Variants in BMPR2 observed in about 807,000 individuals in gnomAD.
BMPR2 encodes the protein bone morphogenetic protein receptor type-2.
BMPR2 carries 29 observed loss-of-function variants against 100.8 expected under a neutral mutation model. That is an observed-to-expected ratio of 0.29 (90% CI 0.21 to 0.39). BMPR2 has a LOEUF of 0.39. Ranked by LOEUF, BMPR2 falls within the 10% of genes least tolerant of loss-of-function variation. The probability of loss-of-function intolerance (pLI) is 1.00; values close to 1 mark genes in which losing one functional copy is unlikely to be tolerated. For synonymous variants in BMPR2, 382 were observed against 442.3 expected (o/e 0.86, Z 1.71); for missense variants, 1,011 against 1,274.5 (o/e 0.79, Z 3.15).
At chr2:202,410,680 C>A (rs1690994906) in intron 1 of BMPR2, among the ~76,000 whole-genome samples, 1 of 152,078 alleles carries the variant, frequency 6.6e-6, no homozygotes, top group Non-Finnish European at 1.5e-5. Flanking sequence ...CCCGGGTTCA[C>A]AACATTCTCC....
At chr2:202,435,020 G>T (rs1313873990) in intron 1 of BMPR2, among the ~76,000 whole-genome samples, 2 of 141,780 alleles carry the variant, frequency 1.4e-5, no homozygotes, top group Non-Finnish European at 3.0e-5. Context: ...TTGCAGACCC[G>T]CCTGGGCAAC....
intron 3 of BMPR2, among the ~76,000 whole-genome samples, chr2:202,513,148 G>C (rs1190378440): frequency 6.6e-6 from 1 of 150,962 alleles, no homozygotes; most frequent in African/African-American, 2.4e-5. Flanking sequence ...TTTTTAATTT[G>C]TTTTAATGTC....
At chr2:202,514,577 T>C (rs1389689519) in intron 4 of BMPR2, among the ~76,000 whole-genome samples, 1 of 152,240 alleles carries the variant, frequency 6.6e-6, no homozygotes, top group African/African-American at 2.4e-5. Context: ...TCAGCGTTCA[T>C]TGATTCATTT....
intron 9 of BMPR2, among the ~76,000 whole-genome samples, chr2:202,538,810 A>G (rs1423588886): frequency 6.6e-6 from 1 of 151,900 alleles, no homozygotes; most frequent in African/African-American, 2.4e-5. Context: ...AAAAAAAAAA[A>G]AAAAAGTGAG....
chr2:202,426,619 T>C (rs1020764585), intron 1 of BMPR2, among the ~76,000 whole-genome samples: 5 of 147,040 alleles, frequency 3.4e-5, no homozygotes, highest in African/African-American at 1.3e-4. Flanking sequence ...TGGTGGCTCA[T>C]GTCTGTAACT....
At chr2:202,507,095 A>T (rs930124627) in intron 3 of BMPR2, among the ~76,000 whole-genome samples, 1 of 149,898 alleles carries the variant, frequency 6.7e-6, no homozygotes, top group African/African-American at 2.5e-5. Flanking sequence ...AAAAAAAAGG[A>T]ATTCATTAAA....
intron 1 of BMPR2, among the ~76,000 whole-genome samples, chr2:202,439,745 CTT>C (rs201206348): frequency 1.5e-5 from 2 of 134,578 alleles, no homozygotes; most frequent in Non-Finnish European, 3.2e-5. Context: ...TTTCTTTTTT[CTT>C]TTTTCTTTTT....
intron 9 of BMPR2, among the ~76,000 whole-genome samples, chr2:202,537,304 T>C (rs1295710433): frequency 3.9e-5 from 6 of 152,226 alleles, no homozygotes; most frequent in Non-Finnish European, 7.3e-5. Context: ...AATGATTTTT[T>C]CATCAGATTA....
At chr2:202,377,698 T>G (rs1690181603) in intron 1 of BMPR2, 148 bp downstream of exon 1, 2 of 871,484 alleles carry the variant, frequency 2.3e-6, no homozygotes, top group Non-Finnish European at 3.6e-6. Context: ...CCTGCGCGCC[T>G]GCCCCATGCC....
intron 1 of BMPR2, among the ~76,000 whole-genome samples, chr2:202,407,480 A>G (rs963820054): frequency 1.3e-5 from 2 of 151,082 alleles, no homozygotes; most frequent in Non-Finnish European, 2.9e-5. Flanking sequence ...CTCCTTAATA[A>G]TACTGTATTT....
rs1296270641 is a variant in BMPR2, at chr2:202,503,344, G to A, written c.419-10375G>A. 6.6e-6 allele frequency among the ~76,000 whole-genome samples: 1 copy of A among 152,234 alleles called. No individual in the cohort carries two copies. The highest frequency in any genetic ancestry group is 1.5e-5 in the Non-Finnish European group (1 of 68,042). On this transcript the variant is annotated intron_variant, in intron 3 of 12. Coordinates refer to ENST00000374580, the MANE Select transcript of BMPR2 (RefSeq NM_001204.7). This position sits in a 1 kb window ranked among gnomAD's most constrained non-coding sequence, Gnocchi z 4.0. ...GGAGCCCCTTTCTGGGCTGGCCAAG[G>A]CCGGAGCCCACTCCCTCAGCTTGCA...
At chr2:202,536,483 C>T (rs1397493626) in intron 9 of BMPR2, among the ~76,000 whole-genome samples, 2 of 152,040 alleles carry the variant, frequency 1.3e-5, no homozygotes, top group African/African-American at 4.8e-5. Flanking sequence ...ACAGGTTAAT[C>T]AGTTATCTAG....
intron 1 of BMPR2, among the ~76,000 whole-genome samples, chr2:202,414,566 G>A (rs758584838): frequency 6.6e-6 from 1 of 152,196 alleles, no homozygotes; most frequent in Non-Finnish European, 1.5e-5. Context: ...GAATGCAAAG[G>A]AAAAGTTCTT....
chr2:202,519,596 T>G (rs546399250), intron 6 of BMPR2, among the ~76,000 whole-genome samples: 1 of 152,334 alleles, frequency 6.6e-6, no homozygotes, highest in Admixed American at 6.5e-5. Context: ...AACAAGTTTT[T>G]TGATGAAAGA....
At chr2:202,480,543 T>C (rs1692637909) in intron 3 of BMPR2, among the ~76,000 whole-genome samples, 1 of 152,214 alleles carries the variant, frequency 6.6e-6, no homozygotes, top group Admixed American at 6.5e-5. Context: ...TTAATTTTTG[T>C]ATATGGCATG....
chr2:202,482,455 C>T (rs1036895684), intron 3 of BMPR2, among the ~76,000 whole-genome samples: 3 of 152,092 alleles, frequency 2.0e-5, no homozygotes, highest in South Asian at 2.1e-4. Context: ...CTCACTGTAA[C>T]CTTGAACTCC....
chr2:202,463,672 T>C (rs1020875379), intron 1 of BMPR2, among the ~76,000 whole-genome samples: 1 of 152,216 alleles, frequency 6.6e-6, no homozygotes, highest in Non-Finnish European at 1.5e-5. Flanking sequence ...CCTTTTACTT[T>C]AGTATTCTCA....
At chr2:202,458,323 A>G (rs1345382789) in intron 1 of BMPR2, among the ~76,000 whole-genome samples, 1 of 146,792 alleles carries the variant, frequency 6.8e-6, no homozygotes, top group East Asian at 2.0e-4. Context: ...CACAAAAATT[A>G]GCCGGGCTTG....
rs1688678320 is a variant in BMPR2, at chr2:202,561,476, C to T, written c.*1530C>T. 6.6e-6 allele frequency: 1 copy of T among 151,952 alleles called. No individual in the cohort carries two copies. Among genetic ancestry groups the T allele is most frequent in the Admixed American group, 6.6e-5 (1 of 15,260 alleles). 9.4% of individuals were successfully genotyped at this position (151,952 alleles called of 1,614,324 possible). On this transcript the variant is annotated 3_prime_UTR_variant, in exon 13 of 13. Coordinates refer to ENST00000374580, the MANE Select transcript of BMPR2 (RefSeq NM_001204.7). ...ATGTTTTTTTTAAATAAAGCACTTT[C>T]TGTCAAATAATGGACTTTTTTCTAA...
Sources: allele counts gnomAD v4.1 joint callset (sites outside exome capture counted in the v4.1 genomes callset), GRCh38; gene constraint gnomAD v4.1.1; non-coding constraint Gnocchi (gnomAD v3.1); transcripts MANE v1.5; gene names NCBI Gene and HGNC (gene_info 2026-07-23, HGNC 2026-07-21).